The following GFOD1 variants were observed in gnomAD, a reference collection of about 807,000 sequenced individuals.
GFOD1 encodes glucose-fructose oxidoreductase domain-containing protein 1.
GFOD1 carries 9 observed loss-of-function variants against 25.4 expected under a neutral mutation model. The observed-to-expected ratio is 0.35, with a 90% CI of 0.21 to 0.62. GFOD1 has a LOEUF of 0.62. Ranked by LOEUF, GFOD1 falls within the 20% of genes least tolerant of loss-of-function variation. The probability of loss-of-function intolerance (pLI) is 0.72; values close to 1 mark genes in which losing one functional copy is unlikely to be tolerated. For synonymous variants in GFOD1, 253 were observed against 245.6 expected (o/e 1.03, Z -0.28); for missense variants, 403 against 556.9 (o/e 0.72, Z 2.78).
chr6:13,390,614 T>C (rs1785570590), intron 1 of GFOD1, among the ~76,000 whole-genome samples: 1 of 143,062 alleles, frequency 7.0e-6, no homozygotes, highest in Non-Finnish European at 1.5e-5. Flanking sequence ...GTAGTCCCAG[T>C]GACTAGGGAG....
chr6:13,448,725 A>G (rs1248461722), intron 1 of GFOD1, among the ~76,000 whole-genome samples: 3 of 152,188 alleles, frequency 2.0e-5, no homozygotes, highest in Non-Finnish European at 4.4e-5. Context: ...AGTGTCTCGC[A>G]CCACTAAACC....
chr6:13,390,042 T>C (rs1303715035), intron 1 of GFOD1, among the ~76,000 whole-genome samples: 2 of 151,938 alleles, frequency 1.3e-5, no homozygotes, highest in Admixed American at 6.6e-5. Context: ...GCCACTCTTC[T>C]CCAAGGTCCA....
At chr6:13,392,344 A>C (rs1284306134) in intron 1 of GFOD1, among the ~76,000 whole-genome samples, 1 of 130,926 alleles carries the variant, frequency 7.6e-6, no homozygotes, top group Non-Finnish European at 1.6e-5. Flanking sequence ...ACCCTATCTC[A>C]AAAAAAAAAA....
chr6:13,415,777 C>G (rs1786153230), intron 1 of GFOD1, among the ~76,000 whole-genome samples: 1 of 152,238 alleles, frequency 6.6e-6, no homozygotes, highest in Non-Finnish European at 1.5e-5. Context: ...TGATGGCCAT[C>G]CGCCTAACTG....
intron 1 of GFOD1, among the ~76,000 whole-genome samples, chr6:13,436,846 C>A (rs754832297): frequency 2.6e-5 from 4 of 152,152 alleles, no homozygotes; most frequent in Non-Finnish European, 5.9e-5. Flanking sequence ...GCTTGGCTAG[C>A]CTGAGAAATA....
At chr6:13,455,209 A>C (rs894392397) in intron 1 of GFOD1, among the ~76,000 whole-genome samples, 1 of 152,130 alleles carries the variant, frequency 6.6e-6, no homozygotes, top group Non-Finnish European at 1.5e-5. Context: ...TGAGCAATAC[A>C]CCCAGAGAGG....
At chr6:13,468,120 T>G (rs1758409161) in intron 1 of GFOD1, among the ~76,000 whole-genome samples, 1 of 152,174 alleles carries the variant, frequency 6.6e-6, no homozygotes, top group Non-Finnish European at 1.5e-5. Flanking sequence ...AGAAAAAAAT[T>G]TATAATCCCA....
chr6:13,410,054 A>G (rs1379069254), intron 1 of GFOD1, among the ~76,000 whole-genome samples: 1 of 143,132 alleles, frequency 7.0e-6, no homozygotes, highest in African/African-American at 2.6e-5. Flanking sequence ...TCTAAGGCCA[A>G]CTGAGGTAAA....
chr6:13,377,484 C>G (rs1785278043), intron 1 of GFOD1, among the ~76,000 whole-genome samples: 1 of 152,172 alleles, frequency 6.6e-6, no homozygotes, highest in Non-Finnish European at 1.5e-5. Context: ...TCTACAGAGC[C>G]CACTTTCCTG....
intron 1 of GFOD1, among the ~76,000 whole-genome samples, chr6:13,367,133 A>G (rs1401506163): frequency 1.3e-5 from 2 of 152,146 alleles, no homozygotes; most frequent in African/African-American, 4.8e-5. Context: ...GTAAAAGTGT[A>G]TTATTATTAA....
At chr6:13,426,439 C>G (rs1786353791) in intron 1 of GFOD1, among the ~76,000 whole-genome samples, 1 of 152,216 alleles carries the variant, frequency 6.6e-6, no homozygotes, top group Non-Finnish European at 1.5e-5. Context: ...TGAAGTGGAG[C>G]TGGACCAGGA....
At chr6:13,400,852 G>T (rs1001866208) in intron 1 of GFOD1, among the ~76,000 whole-genome samples, 1 of 152,120 alleles carries the variant, frequency 6.6e-6, no homozygotes, top group Non-Finnish European at 1.5e-5. Context: ...AAGGGAGACT[G>T]GTTCTTCACC....
chr6:13,382,958 T>C (rs1045220574), intron 1 of GFOD1, among the ~76,000 whole-genome samples: 2 of 152,204 alleles, frequency 1.3e-5, no homozygotes, highest in Non-Finnish European at 2.9e-5. Context: ...CTGAGGATAA[T>C]GGCTTCCAGC....
At position 13,365,069 on chromosome 6, in the gene GFOD1, T is replaced by C. The variant is rs1308674648; in HGVS notation, c.847A>G (p.Thr283Ala). 3.7e-6 allele frequency: 6 copies of C among 1,611,436 alleles called. No homozygotes were observed. In the Admixed American group the frequency reaches 1.0e-4, roughly 27 times the overall value. ...GGAAGCAGGGAGTTGCTCACCGGCG[T>C]GGCGTCCTGCACCAGCAGCTCCTGC... ...PEQELLVQDA[T>A]PVSNSLLPEK... The change falls in exon 2 of 2, where the codon ACG becomes GCG. Residue 283 changes from threonine (T) to alanine (A), a missense_variant. Thr to Ala is a moderately conservative substitution (Grantham distance 58). Coordinates refer to ENST00000379287, the MANE Select transcript of GFOD1 (RefSeq NM_018988.4). This position sits in a 1 kb window ranked among gnomAD's most constrained non-coding sequence, Gnocchi z 9.2.
intron 1 of GFOD1, among the ~76,000 whole-genome samples, chr6:13,376,202 G>T (rs1379558493): frequency 6.6e-6 from 1 of 152,204 alleles, no homozygotes; most frequent in East Asian, 1.9e-4. Flanking sequence ...AGGCAGGGAG[G>T]TGGGACGGGG....
At chr6:13,466,762 G>A (rs1370405340) in intron 1 of GFOD1, among the ~76,000 whole-genome samples, 1 of 152,170 alleles carries the variant, frequency 6.6e-6, no homozygotes, top group Admixed American at 6.5e-5. Context: ...CCACTGTGCT[G>A]ATAAATTTAT....
Position 13,362,689 on chromosome 6 carries a change from C to T in GFOD1, c.*2054G>A, listed in dbSNP as rs73364957. 6.6e-6 allele frequency: 1 copy of T among 152,180 alleles called. No homozygotes were observed. The highest frequency in any genetic ancestry group is 1.5e-5 in the Non-Finnish European group (1 of 68,042). The allele number at this position is 152,180 out of a possible 1,614,324, so 9.4% of individuals were successfully genotyped here. Reference sequence around the variant, plus strand: ...CCCACCCTGCAGTGCTGTAGCAAAGCCTCGGGAAGCAGGGCGACTCTTTCC... The same window carrying T: ...CCCACCCTGCAGTGCTGTAGCAAAGTCTCGGGAAGCAGGGCGACTCTTTCC... On this transcript the variant is annotated 3_prime_UTR_variant, in exon 2 of 2. Coordinates refer to ENST00000379287, the MANE Select transcript of GFOD1 (RefSeq NM_018988.4).
chr6:13,467,713 G>C (rs1288894799), intron 1 of GFOD1, among the ~76,000 whole-genome samples: 1 of 152,196 alleles, frequency 6.6e-6, no homozygotes, highest in African/African-American at 2.4e-5. Flanking sequence ...AAAATGATAG[G>C]ACTGTTCCAG....
Position 13,368,979 on chromosome 6 carries a change from T to C in GFOD1, c.254-3317A>G, listed in dbSNP as rs150984655. Among the ~76,000 whole-genome samples the C allele has an allele frequency of 4.6e-5, 7 of 152,380 alleles. No individual in the cohort carries two copies. In the East Asian group the frequency reaches 1.3e-3, roughly 29 times the overall value. On this transcript the variant is annotated intron_variant, in intron 1 of 1. Transcript: ENST00000379287. ...ATTTATTAGGTTGCTGCAAATGTAA[T>C]TGTGGTTTTACCACTGAAAGTAATT...
Sources: allele counts gnomAD v4.1 joint callset (sites outside exome capture counted in the v4.1 genomes callset), GRCh38; gene constraint gnomAD v4.1.1; non-coding constraint Gnocchi (gnomAD v3.1); transcripts MANE v1.5; gene names NCBI Gene and HGNC (gene_info 2026-07-23, HGNC 2026-07-21).